The following KIF2A variants were observed in gnomAD, a reference collection of about 807,000 sequenced individuals.
The protein encoded by KIF2A is kinesin-like protein KIF2A.
Under a neutral mutation model 100.2 loss-of-function variants are expected in KIF2A, and 22 were observed. That is an observed-to-expected ratio of 0.22 (90% confidence interval 0.16 to 0.31). The LOEUF (loss-of-function observed/expected upper bound fraction) is 0.31. Among genes scored for constraint, KIF2A ranks in the 10% least tolerant of loss-of-function variants. The pLI is 1.00. For missense variants in KIF2A, 495 were observed against 898.7 expected (o/e 0.55, Z 5.74); for synonymous variants, 268 against 285.9 (o/e 0.94, Z 0.63).
At chr5:62,326,363 T>C (rs9291758) in intron 1 of KIF2A, among the ~76,000 whole-genome samples, 77,806 of 151,844 alleles carry the variant, frequency 0.51, 20,885 homozygotes, top group South Asian at 0.65. Flanking sequence ...TCCTTGAGGA[T>C]GTTTGCTCCT....
intron 1 of KIF2A, among the ~76,000 whole-genome samples, chr5:62,337,828 A>AG (rs1747051480): frequency 6.6e-6 from 1 of 151,828 alleles, no homozygotes; most frequent in South Asian, 2.1e-4. Context: ...AAAAAAAAAA[A>AG]GTAGCTTTGA....
At chr5:62,315,249 CAAAAA>C (rs765995590) in intron 1 of KIF2A, among the ~76,000 whole-genome samples, 4 of 66,538 alleles carry the variant, frequency 6.0e-5, no homozygotes, top group East Asian at 1.0e-3. Flanking sequence ...AAAAACAGAC[CAAAAA>C]AAAAAAAAAA....
chr5:62,335,887 A>G (rs1230584980), intron 1 of KIF2A, among the ~76,000 whole-genome samples: 2 of 152,216 alleles, frequency 1.3e-5, no homozygotes, highest in Non-Finnish European at 1.5e-5. Context: ...TAAGTTTTAA[A>G]AAGCCATAGA....
chr5:62,333,954 A>G (rs533816361), intron 1 of KIF2A, among the ~76,000 whole-genome samples: 30 of 152,156 alleles, frequency 2.0e-4, no homozygotes, highest in Non-Finnish European at 4.0e-4. Flanking sequence ...AAGTTCTCCT[A>G]GGTGACAAGC....
intron 2 of KIF2A, 60 bp downstream of exon 2, chr5:62,347,284 C>A: frequency 1.1e-6 from 1 of 884,050 alleles, no homozygotes. Flanking sequence ...GAATATAAAA[C>A]AAAACAGAAA....
Position 62,363,701 on chromosome 5 carries a change from C to T in KIF2A, c.1269C>T (p.Ser423=), listed in dbSNP as rs764412929. ...GTCCTTAATCACATTGTAGAACATC[C>T]GGTCAAACATCTGCAAATGCACATT... ...LIDIGNSCRT[S]GQTSANAHSS... is the part of the protein sequence containing the mutation. The change falls in exon 14 of 21, where the codon TCC becomes TCT. Residue 423 remains serine (S), a synonymous_variant. Coordinates refer to ENST00000407818, the MANE Select transcript of KIF2A (RefSeq NM_001098511.3). 2.9e-5 allele frequency: 47 copies of T among 1,612,928 alleles called. 1 individual carries two copies. In the East Asian group the frequency reaches 5.6e-4, roughly 19 times the overall value.
At chr5:62,380,895 AT>A (rs1346782689) in intron 19 of KIF2A, among the ~76,000 whole-genome samples, 21 of 152,152 alleles carry the variant, frequency 1.4e-4, no homozygotes, top group African/African-American at 5.1e-4. Context: ...CGTAACTTAC[AT>A]TGAAAAAAAT....
intron 20 of KIF2A, among the ~76,000 whole-genome samples, chr5:62,381,538 G>A (rs1393590863): frequency 6.6e-6 from 1 of 152,134 alleles, no homozygotes; most frequent in African/African-American, 2.4e-5. Flanking sequence ...CAGATCTTTA[G>A]TTTGGTAGGC....
At chr5:62,380,891 TTACA>T (rs1741746768) in intron 19 of KIF2A, among the ~76,000 whole-genome samples, 1 of 152,142 alleles carries the variant, frequency 6.6e-6, no homozygotes, top group South Asian at 2.1e-4. Context: ...TCAGCGTAAC[TTACA>T]TTGAAAAAAA....
At position 62,315,181 on chromosome 5, in the gene KIF2A, C is replaced by T. The variant is rs145816951; in HGVS notation, c.64+8645C>T. On this transcript the variant is annotated intron_variant, in intron 1 of 20. Coordinates refer to ENST00000407818, the MANE Select transcript of KIF2A (RefSeq NM_001098511.3). ...GGAGCATTTTGGATTAAAGAATGCT[C>T]AGCCTGTGGTGGTTTATAACTCTGG... Among the ~76,000 whole-genome samples, 533 of 146,558 alleles carry T rather than the reference C, an allele frequency of 3.6e-3. 2 individuals carry two copies. The highest frequency in any genetic ancestry group is 0.013 in the African/African-American group (501 of 39,568).
intron 1 of KIF2A, chr5:62,308,571 A>C (rs1271248009): frequency 2.8e-6 from 2 of 702,144 alleles, no homozygotes; most frequent in Admixed American, 2.0e-5. Context: ...TGTATAGACA[A>C]TGTACAATGG....
chr5:62,370,119 AAAAAATTCGGT>A (rs1245232024), intron 16 of KIF2A, among the ~76,000 whole-genome samples: 1 of 152,184 alleles, frequency 6.6e-6, no homozygotes, highest in African/African-American at 2.4e-5. Context: ...AGTTCTGTCT[AAAAAATTCGGT>A]TAGACAGATG....
chr5:62,350,116 T>C lies in KIF2A; in HGVS notation c.330T>C (p.Asn110=). ...AGAATGACCCTCCTTCAAGAGATAA[T>C]AGAGGTAAAGTAAAAATTTATCTCT... ...SIKNDPPSRD[N]RVVGSARARP... is the part of the protein sequence containing the mutation. Residue 110 remains asparagine, a synonymous_variant, in exon 4 of 21, where the codon AAT becomes AAC. Coordinates refer to ENST00000407818, the MANE Select transcript of KIF2A (RefSeq NM_001098511.3). 6.4e-7 allele frequency: 1 copy of C among 1,569,166 alleles called. No individual in the cohort carries two copies.
intron 20 of KIF2A, among the ~76,000 whole-genome samples, chr5:62,384,704 G>A (rs1206261153): frequency 2.0e-5 from 3 of 152,140 alleles, no homozygotes; most frequent in Admixed American, 2.0e-4. Context: ...TGACTCTAGA[G>A]CAGTACATGA....
chr5:62,384,913 C>T (rs1288348650), intron 20 of KIF2A, among the ~76,000 whole-genome samples: 7 of 152,138 alleles, frequency 4.6e-5, no homozygotes, highest in African/African-American at 1.4e-4. Flanking sequence ...GAGGCCAAGG[C>T]GGGCAGATCA....
chr5:62,361,384 C>T, intron 10 of KIF2A, 52 bp downstream of exon 10: 1 of 1,457,094 alleles, frequency 6.9e-7, no homozygotes, highest in Non-Finnish European at 9.6e-7. Context: ...GTTTCTTTTC[C>T]TTATAGCTTA....
intron 18 of KIF2A, among the ~76,000 whole-genome samples, chr5:62,375,890 A>G (rs1053418483): frequency 6.6e-6 from 1 of 152,224 alleles, no homozygotes; most frequent in Admixed American, 6.5e-5. Context: ...CAGTAGTTCC[A>G]AGACTGGAAA....
chr5:62,376,767 A>T (rs1242077068), intron 18 of KIF2A, among the ~76,000 whole-genome samples: 1 of 151,876 alleles, frequency 6.6e-6, no homozygotes, highest in African/African-American at 2.4e-5. Flanking sequence ...TTTTTTAATC[A>T]TCATCTGAAC....
chr5:62,323,245 A>C (rs1408740480), intron 1 of KIF2A, among the ~76,000 whole-genome samples: 1 of 141,228 alleles, frequency 7.1e-6, no homozygotes, highest in Non-Finnish European at 1.5e-5. Flanking sequence ...AACGAGCGAA[A>C]CTCCATCTCA....
Sources: gnomAD v4.1 joint callset for allele counts (sites outside exome capture counted in the v4.1 genomes callset) on GRCh38, gnomAD v4.1.1 for gene constraint, MANE v1.5 for transcripts, NCBI Gene and HGNC (gene_info 2026-07-23, HGNC 2026-07-21) for gene names.